The following C8orf34 variants were observed in gnomAD, a reference collection of about 807,000 sequenced individuals.
C8orf34 encodes uncharacterized protein C8orf34.
In C8orf34, 65 loss-of-function variants were observed where a neutral mutation model predicts 68.3. The observed-to-expected ratio is 0.95, with a 90% CI of 0.78 to 1.17. The LOEUF is 1.17. C8orf34 is among the 50% of genes most tolerant of loss of function. The pLI is 0.00. For synonymous variants in C8orf34, 244 were observed against 241.2 expected (o/e 1.01, Z -0.11); for missense variants, 664 against 655.4 (o/e 1.01, Z -0.14).
chr8:68,744,144 G>A (rs975889116), intron 10 of C8orf34, among the ~76,000 whole-genome samples: 1 of 152,060 alleles, frequency 6.6e-6, no homozygotes, highest in Non-Finnish European at 1.5e-5. Flanking sequence ...CACACGGCTG[G>A]GTACTCCAAC....
intron 7 of C8orf34, among the ~76,000 whole-genome samples, chr8:68,635,094 A>G (rs777366162): frequency 2.0e-5 from 3 of 152,172 alleles, no homozygotes; most frequent in Non-Finnish European, 4.4e-5. Context: ...AAAAATTCTC[A>G]TTAAATACAC....
chr8:68,664,972 A>G (rs1052197148), intron 8 of C8orf34, among the ~76,000 whole-genome samples: 26 of 152,230 alleles, frequency 1.7e-4, no homozygotes, highest in African/African-American at 2.9e-4. Flanking sequence ...TGGAAAGAAT[A>G]CCTAGAACTT....
At chr8:68,666,203 C>T (rs1819835443) in intron 8 of C8orf34, among the ~76,000 whole-genome samples, 1 of 152,128 alleles carries the variant, frequency 6.6e-6, no homozygotes, top group African/African-American at 2.4e-5. Flanking sequence ...AACACGTGCT[C>T]TTTTCTTCTC....
intron 7 of C8orf34, among the ~76,000 whole-genome samples, chr8:68,626,197 G>A (rs1818533864): frequency 6.6e-6 from 1 of 152,028 alleles, no homozygotes; most frequent in Non-Finnish European, 1.5e-5. Flanking sequence ...GTTTAGTGAA[G>A]GAACAGTAGT....
intron 7 of C8orf34, among the ~76,000 whole-genome samples, chr8:68,595,630 T>A (rs1817526636): frequency 6.6e-6 from 1 of 152,128 alleles, no homozygotes; most frequent in Non-Finnish European, 1.5e-5. Context: ...ACTTGTATGT[T>A]TAAGGGATAT....
intron 10 of C8orf34, among the ~76,000 whole-genome samples, chr8:68,733,822 A>G: frequency 6.6e-6 from 1 of 152,314 alleles, no homozygotes; most frequent in African/African-American, 2.4e-5. Flanking sequence ...ATATTGGGAC[A>G]TCTAGATTCA....
chr8:68,512,203 TA>T (rs1352808271), intron 5 of C8orf34, among the ~76,000 whole-genome samples: 8 of 152,236 alleles, frequency 5.3e-5, no homozygotes, highest in Non-Finnish European at 8.8e-5. Context: ...TGGTTTACCA[TA>T]ACTTAACATA....
At chr8:68,603,199 T>C (rs973672684) in intron 7 of C8orf34, among the ~76,000 whole-genome samples, 7 of 152,074 alleles carry the variant, frequency 4.6e-5, no homozygotes, top group African/African-American at 1.7e-4. Context: ...TACTCCCCCT[T>C]GGCTAGGACC....
chr8:68,488,318 A>G (rs1306552448), intron 5 of C8orf34, among the ~76,000 whole-genome samples: 1 of 68 alleles, frequency 0.015, no homozygotes. Context: ...CTATATTGCA[A>G]AATAACTTCA....
intron 7 of C8orf34, among the ~76,000 whole-genome samples, chr8:68,570,202 G>A (rs540388033): frequency 4.6e-4 from 70 of 152,312 alleles, no homozygotes; most frequent in African/African-American, 1.6e-3. Context: ...TAGATCTGAA[G>A]CCGAATCTGG....
intron 1 of C8orf34, among the ~76,000 whole-genome samples, chr8:68,398,571 T>C (rs1382372335): frequency 6.6e-6 from 1 of 152,104 alleles, no homozygotes; most frequent in African/African-American, 2.4e-5. Context: ...TTAATTTGAG[T>C]GACAATAGTA....
chr8:68,590,486 C>T (rs1458550153), intron 7 of C8orf34, among the ~76,000 whole-genome samples: 2 of 151,872 alleles, frequency 1.3e-5, no homozygotes, highest in African/African-American at 2.4e-5. Context: ...TGTACGGGAA[C>T]AGGAGGAAAA....
intron 7 of C8orf34, among the ~76,000 whole-genome samples, chr8:68,617,710 C>A (rs1350407064): frequency 1.3e-5 from 2 of 152,124 alleles, no homozygotes; most frequent in Non-Finnish European, 2.9e-5. Context: ...CTCTGGCTGC[C>A]CTTAACATTT....
At chr8:68,373,913 G>GT (rs1563386841) in intron 1 of C8orf34, among the ~76,000 whole-genome samples, 1 of 151,968 alleles carries the variant, frequency 6.6e-6, no homozygotes, top group Non-Finnish European at 1.5e-5. Context: ...CCTTTCTTAT[G>GT]TTTTTTTGTT....
chr8:68,451,372 G>A (rs555741662), intron 3 of C8orf34, among the ~76,000 whole-genome samples: 23 of 152,092 alleles, frequency 1.5e-4, no homozygotes, highest in African/African-American at 4.3e-4. Context: ...ATTTGCATTC[G>A]CTACTTGGCT....
chr8:68,462,882 C>T (rs2129629212), intron 3 of C8orf34, among the ~76,000 whole-genome samples: 1 of 152,124 alleles, frequency 6.6e-6, no homozygotes, highest in East Asian at 1.9e-4. Context: ...ATTAAAAGAA[C>T]TAGAAAAGCA....
chr8:68,518,617 G>A (rs1814615184), intron 5 of C8orf34, among the ~76,000 whole-genome samples: 1 of 152,098 alleles, frequency 6.6e-6, no homozygotes, highest in Non-Finnish European at 1.5e-5. Flanking sequence ...AAAATTTGTG[G>A]CCGGGTGCGG....
At chr8:68,529,492 A>C (rs937419140) in intron 6 of C8orf34, among the ~76,000 whole-genome samples, 3 of 152,192 alleles carry the variant, frequency 2.0e-5, no homozygotes, top group African/African-American at 7.2e-5. Flanking sequence ...ATTATAGCAA[A>C]ACCTGATCTG....
intron 10 of C8orf34, among the ~76,000 whole-genome samples, chr8:68,754,095 GA>G (rs55704304): frequency 1.3e-5 from 2 of 150,072 alleles, no homozygotes; most frequent in South Asian, 2.1e-4. Context: ...GGATTAACTG[GA>G]AAAAAAAATC....
Sources: allele counts gnomAD v4.1 joint callset (sites outside exome capture counted in the v4.1 genomes callset), GRCh38; gene constraint gnomAD v4.1.1; transcripts MANE v1.5; gene names NCBI Gene and HGNC (gene_info 2026-07-23, HGNC 2026-07-21).